The following SNTG1 variants were observed in gnomAD, a reference collection of about 807,000 sequenced individuals.
The protein encoded by SNTG1 is gamma-1-syntrophin.
A neutral mutation model predicts 74.7 loss-of-function variants in SNTG1; 39 were observed. That is an observed-to-expected ratio of 0.52 (90% CI 0.40 to 0.68). The LOEUF is 0.68. Among genes scored for constraint, SNTG1 ranks in the 30% least tolerant of loss-of-function variants. The pLI is 0.00. For missense variants in SNTG1, 685 were observed against 609.5 expected (o/e 1.12, Z -1.30); for synonymous variants, 254 against 217.1 (o/e 1.17, Z -1.49).
intron 12 of SNTG1, among the ~76,000 whole-genome samples, chr8:50,574,249 A>T (rs2094564696): frequency 6.6e-6 from 1 of 152,110 alleles, no homozygotes; most frequent in Non-Finnish European, 1.5e-5. Context: ...TATGAAGATT[A>T]TTTTCATCTT....
intron 1 of SNTG1, among the ~76,000 whole-genome samples, chr8:50,127,281 T>C (rs1161870342): frequency 6.6e-6 from 1 of 152,114 alleles, no homozygotes; most frequent in African/African-American, 2.4e-5. Flanking sequence ...TTAGTAGTAA[T>C]TAAGTGGTAC....
chr8:50,261,671 C>T (rs1054617015), intron 2 of SNTG1, among the ~76,000 whole-genome samples: 4 of 152,036 alleles, frequency 2.6e-5, no homozygotes, highest in Admixed American at 2.6e-4. Flanking sequence ...AAGGTACTTG[C>T]ACTCTCTGAA....
chr8:50,209,829 A>G (rs2084425682), intron 2 of SNTG1, among the ~76,000 whole-genome samples: 1 of 152,208 alleles, frequency 6.6e-6, no homozygotes, highest in Non-Finnish European at 1.5e-5. Flanking sequence ...CCTCCAAAGG[A>G]ACGTAGCTCC....
chr8:49,988,597 T>C (rs1219326829), intron 1 of SNTG1, among the ~76,000 whole-genome samples: 1 of 152,172 alleles, frequency 6.6e-6, no homozygotes, highest in Non-Finnish European at 1.5e-5. Flanking sequence ...TTTGAATGTA[T>C]GTTGCTAGAG....
At chr8:50,419,962 A>G (rs1212068508) in intron 4 of SNTG1, among the ~76,000 whole-genome samples, 3 of 152,044 alleles carry the variant, frequency 2.0e-5, no homozygotes, top group Admixed American at 6.6e-5. Context: ...AGAGAGAACA[A>G]TAAAAATTAC....
chr8:50,417,303 T>C (rs2093026879), intron 4 of SNTG1, among the ~76,000 whole-genome samples: 1 of 152,146 alleles, frequency 6.6e-6, no homozygotes, highest in Non-Finnish European at 1.5e-5. Context: ...ATTATCTTAC[T>C]CTGTAGACTG....
intron 2 of SNTG1, among the ~76,000 whole-genome samples, chr8:50,378,791 C>G (rs2092432247): frequency 6.6e-6 from 1 of 152,176 alleles, no homozygotes; most frequent in Admixed American, 6.5e-5. Context: ...CTCTCTGCAG[C>G]TGGTCATCCT....
intron 2 of SNTG1, among the ~76,000 whole-genome samples, chr8:50,283,456 G>T (rs2088588024): frequency 1.3e-5 from 2 of 152,170 alleles, no homozygotes; most frequent in South Asian, 2.1e-4. Flanking sequence ...ATTGTTGAAG[G>T]TCTGATGAAT....
At chr8:50,484,364 C>A (rs149649488) in intron 8 of SNTG1, among the ~76,000 whole-genome samples, 3 of 151,578 alleles carry the variant, frequency 2.0e-5, no homozygotes, top group East Asian at 4.0e-4. Context: ...TACAGTCATG[C>A]GCCACCATTC....
intron 3 of SNTG1, among the ~76,000 whole-genome samples, chr8:50,399,834 C>G (rs2131340800): frequency 6.6e-6 from 1 of 152,260 alleles, no homozygotes; most frequent in South Asian, 2.1e-4. Flanking sequence ...TTTTTGTCCT[C>G]TAGATATATT....
chr8:50,169,915 C>T lies in SNTG1; in HGVS notation c.-102-2646C>T, dbSNP rs560545191. ...ATGCACTGAGTGTTCACCCACTGCACTCTAGTCTTGATGACAGAGTGGGAC... is the reference window on the plus strand; with the variant it reads ...ATGCACTGAGTGTTCACCCACTGCATTCTAGTCTTGATGACAGAGTGGGAC... On this transcript the variant is annotated intron_variant, in intron 1 of 18. Transcript: ENST00000642720. Among the ~76,000 whole-genome samples, 5 of 152,212 alleles carry T rather than the reference C, an allele frequency of 3.3e-5. No individual in the cohort carries two copies. In the South Asian group the frequency reaches 1.0e-3, roughly 32 times the overall value.
At chr8:49,914,089 T>C (rs1023783195) in intron 1 of SNTG1, among the ~76,000 whole-genome samples, 2 of 152,112 alleles carry the variant, frequency 1.3e-5, no homozygotes, top group Admixed American at 1.3e-4. Flanking sequence ...GTCCTTACAT[T>C]GAGATAGAGT....
intron 13 of SNTG1, among the ~76,000 whole-genome samples, chr8:50,640,545 T>G (rs191208699): frequency 8.3e-4 from 126 of 152,314 alleles, no homozygotes; most frequent in Admixed American, 6.3e-3. Flanking sequence ...CACACACATA[T>G]GTACACATTC....
chr8:50,242,126 T>C (rs536106740), intron 2 of SNTG1, among the ~76,000 whole-genome samples: 4 of 152,134 alleles, frequency 2.6e-5, no homozygotes, highest in African/African-American at 9.6e-5. Flanking sequence ...TATGTATACA[T>C]ATATACATAC....
chr8:50,570,344 C>T (rs1483575953), intron 12 of SNTG1, among the ~76,000 whole-genome samples: 7 of 147,384 alleles, frequency 4.7e-5, no homozygotes, highest in South Asian at 2.1e-4. Flanking sequence ...ATGCAACCTC[C>T]GCCTCCAGGG....
At chr8:50,583,173 C>T (rs916069180) in intron 12 of SNTG1, among the ~76,000 whole-genome samples, 15 of 151,688 alleles carry the variant, frequency 9.9e-5, no homozygotes, top group African/African-American at 3.1e-4. Flanking sequence ...GAAGCCGAGG[C>T]GAGTGGATCA....
intron 2 of SNTG1, among the ~76,000 whole-genome samples, chr8:50,374,745 A>G (rs771668933): frequency 1.6e-4 from 25 of 152,182 alleles, no homozygotes; most frequent in African/African-American, 4.8e-4. Context: ...TGTGTTTTTC[A>G]TATTTGGCTT....
intron 4 of SNTG1, among the ~76,000 whole-genome samples, chr8:50,418,479 G>A (rs946730801): frequency 5.4e-4 from 82 of 151,990 alleles, no homozygotes; most frequent in African/African-American, 1.9e-3. Flanking sequence ...AGTTCTTTAC[G>A]TTATTCTTTT....
At chr8:50,340,157 A>G (rs1195217466) in intron 2 of SNTG1, among the ~76,000 whole-genome samples, 6 of 152,142 alleles carry the variant, frequency 3.9e-5, no homozygotes, top group African/African-American at 1.4e-4. Flanking sequence ...AAATTTATAT[A>G]TAGTTTCAAC....
Sources: gnomAD v4.1 joint callset for allele counts (sites outside exome capture counted in the v4.1 genomes callset) on GRCh38, gnomAD v4.1.1 for gene constraint, MANE v1.5 for transcripts, NCBI Gene and HGNC (gene_info 2026-07-23, HGNC 2026-07-21) for gene names.